The following BOLL variants were observed in gnomAD, a reference collection of about 807,000 sequenced individuals.
BOLL encodes boule RNA binding protein.
In BOLL, 23 loss-of-function variants were observed where a neutral mutation model predicts 44.4. The ratio of observed to expected loss-of-function variants is 0.52; its 90% confidence interval spans 0.37 to 0.73. The LOEUF is 0.73. Ranked by LOEUF, BOLL falls within the 30% of genes least tolerant of loss-of-function variation. The pLI is 0.00. For synonymous variants in BOLL, 97 were observed against 110.8 expected (o/e 0.88, Z 0.78); for missense variants, 287 against 338.3 (o/e 0.85, Z 1.19).
chr2:197,762,349 G>A (rs538380623), intron 7 of BOLL, among the ~76,000 whole-genome samples: 111 of 151,676 alleles, frequency 7.3e-4, no homozygotes, highest in Non-Finnish European at 1.4e-3. Context: ...TTCTCAAAAA[G>A]AAAAAAAGAA....
chr2:197,777,103 C>T lies in BOLL; in HGVS notation c.232G>A (p.Val78Ile), dbSNP rs577424738. The T allele has an allele frequency of 1.6e-4, 255 of 1,556,126 alleles. 2 individuals carry two copies. The South Asian group carries it at 2.1e-3, about 13-fold the overall frequency. ...RAGVSKGYGF[V>I]TFETQEDAQK... is the part of the protein sequence containing the mutation. Reference sequence around the variant, plus strand: ...GCATCTTCTTGTGTTTCAAAAGTGACGAAACCATACCTAAATAAATGCATT... The same window carrying T: ...GCATCTTCTTGTGTTTCAAAAGTGATGAAACCATACCTAAATAAATGCATT... Residue 78 changes from valine (V) to isoleucine (I), a missense_variant, in exon 4 of 11, where the codon GTC (valine) becomes ATC (isoleucine). Transcript: ENST00000392296.
chr2:197,742,523 A>G (rs1687794084), intron 10 of BOLL, among the ~76,000 whole-genome samples: 3 of 152,212 alleles, frequency 2.0e-5, no homozygotes, highest in Admixed American at 2.0e-4. Flanking sequence ...AGGGACATGG[A>G]TGAAGCTGGA....
intron 7 of BOLL, among the ~76,000 whole-genome samples, chr2:197,758,034 A>G (rs951417585): frequency 2.4e-4 from 37 of 152,358 alleles, no homozygotes; most frequent in East Asian, 1.7e-3. Context: ...TGGAGAAATT[A>G]GAACCCTCAT....
Position 197,727,401 on chromosome 2 carries a change from CT to C in BOLL, c.*1153del, listed in dbSNP as rs571889915. The C allele has an allele frequency of 8.1e-4, 123 of 152,416 alleles. No individual in the cohort carries two copies. Among genetic ancestry groups the C allele is most frequent in the Non-Finnish European group, 1.4e-3 (96 of 68,030 alleles). The allele number at this position is 152,416 out of a possible 1,614,324, so 9.4% of individuals were successfully genotyped here. On this transcript the variant is annotated 3_prime_UTR_variant, in exon 11 of 11. Coordinates refer to ENST00000392296, the MANE Select transcript of BOLL (RefSeq NM_033030.6). ...TAAAATTAGGAGGTCAGTGAAAGAA[CT>C]GCAAATGAATGTAAAGAGGAATATT...
In BOLL at chr2:197,728,340, C is replaced by T. The variant is rs756093865; in HGVS notation, c.*215G>A. The T allele has an allele frequency of 4.6e-6, 3 of 657,956 alleles. No individual in the cohort carries two copies. The highest frequency in any genetic ancestry group is 2.2e-5 in the South Asian group (1 of 46,292). 40.8% of individuals were successfully genotyped at this position (657,956 alleles called of 1,614,324 possible). ...GTTAGCACATAAAAAACCAACATGC[C>T]ACATCTACCTAAATAATTTTGTAGA... On this transcript the variant is annotated 3_prime_UTR_variant, in exon 11 of 11. Transcript: ENST00000392296.
chr2:197,736,021 G>A (rs186263019), intron 10 of BOLL, among the ~76,000 whole-genome samples: 130 of 152,200 alleles, frequency 8.5e-4, no homozygotes, highest in African/African-American at 3.0e-3. Flanking sequence ...CTTTTTCTCT[G>A]TGGTAGAAAG....
chr2:197,752,131 G>C (rs762772734), intron 9 of BOLL, among the ~76,000 whole-genome samples: 13 of 152,136 alleles, frequency 8.5e-5, no homozygotes, highest in Non-Finnish European at 1.8e-4. Flanking sequence ...TAATAAACTA[G>C]GTATTGATGG....
At chr2:197,750,477 A>G (rs1472283641) in intron 9 of BOLL, among the ~76,000 whole-genome samples, 1 of 152,232 alleles carries the variant, frequency 6.6e-6, no homozygotes, top group African/African-American at 2.4e-5. Context: ...GGAAAGCAAA[A>G]AAAAGCAGGG....
chr2:197,786,202 A>C (rs1020305445), upstream of BOLL: 6 of 726,416 alleles, frequency 8.3e-6, no homozygotes, highest in Admixed American at 2.2e-4. This position sits in a 1 kb window ranked among gnomAD's most constrained non-coding sequence, Gnocchi z 5.9. Context: ...GGAGAAGCGG[A>C]CTGCGTCGCC....
chr2:197,772,575 TCTCCCTTTGCTACAA>T lies in BOLL; in HGVS notation c.353-608_353-594del, dbSNP rs1351360636. The stretch of plus-strand genomic sequence containing the variant: ...TTTCTATGATCTATTCTCTATCTAG[TCTCCCTTTGCTACAA>T]CTGCTGCTGTTGCAAACATGACCGC... On this transcript the variant is annotated intron_variant, in intron 5 of 10. Transcript: ENST00000392296. 6.6e-5 allele frequency among the ~76,000 whole-genome samples: 10 copies of T among 152,086 alleles called. No homozygotes were observed. The East Asian group carries it at 1.7e-3, about 26-fold the overall frequency.
chr2:197,756,784 A>C (rs1033341955), intron 8 of BOLL, among the ~76,000 whole-genome samples: 2 of 152,148 alleles, frequency 1.3e-5, no homozygotes, highest in African/African-American at 4.8e-5. Context: ...AGAACTTCTT[A>C]ATGACTGAGA....
At chr2:197,780,815 A>T (rs1485550528) in intron 2 of BOLL, among the ~76,000 whole-genome samples, 2 of 151,994 alleles carry the variant, frequency 1.3e-5, no homozygotes, top group Non-Finnish European at 2.9e-5. Context: ...CTCTCCCTAT[A>T]ATTTCTAATA....
At chr2:197,757,429 C>A (rs201846632) in intron 7 of BOLL, 29 bp from the exon 8 acceptor site, 1 of 1,589,492 alleles carries the variant, frequency 6.3e-7, no homozygotes, top group East Asian at 2.2e-5. Context: ...AAAGAAAAAC[C>A]CATTCTGATT....
At chr2:197,761,920 T>A (rs1259675453) in intron 7 of BOLL, among the ~76,000 whole-genome samples, 1 of 152,062 alleles carries the variant, frequency 6.6e-6, no homozygotes. Context: ...GTAATACATA[T>A]GTACCCAACA....
At chr2:197,779,416 C>A (rs1477990655) in intron 2 of BOLL, among the ~76,000 whole-genome samples, 1 of 151,884 alleles carries the variant, frequency 6.6e-6, no homozygotes, top group Non-Finnish European at 1.5e-5. Context: ...AGTAAGGGTA[C>A]AATACTATTT....
At chr2:197,742,614 T>C (rs971944824) in intron 10 of BOLL, among the ~76,000 whole-genome samples, 8 of 148,950 alleles carry the variant, frequency 5.4e-5, no homozygotes, top group Admixed American at 1.3e-4. Flanking sequence ...AATTGAACAA[T>C]GAGAACACAT....
chr2:197,775,574 T>G (rs1230200190), intron 5 of BOLL, 91 bp downstream of exon 5: 1 of 875,502 alleles, frequency 1.1e-6, no homozygotes, highest in Non-Finnish European at 1.7e-6. Context: ...GAAAGAAACA[T>G]GATCTTTTAA....
At chr2:197,766,732 T>C in intron 6 of BOLL, 129 bp from the exon 7 acceptor site, 1 of 650,258 alleles carries the variant, frequency 1.5e-6, no homozygotes, top group Non-Finnish European at 2.7e-6. Context: ...TTTTTCTACC[T>C]CTTATTGATA....
intron 7 of BOLL, among the ~76,000 whole-genome samples, chr2:197,764,910 G>A (rs1161994196): frequency 6.6e-6 from 1 of 151,824 alleles, no homozygotes; most frequent in African/African-American, 2.4e-5. Context: ...ACAGTAAGCT[G>A]GTTTACAGAT....
Sources: gnomAD v4.1 joint callset for allele counts (sites outside exome capture counted in the v4.1 genomes callset) on GRCh38, gnomAD v4.1.1 for gene constraint, Gnocchi (gnomAD v3.1) non-coding constraint, MANE v1.5 for transcripts, NCBI Gene and HGNC (gene_info 2026-07-23, HGNC 2026-07-21) for gene names.